DLEU7: variants seen among roughly 807,000 people sequenced by gnomAD.
DLEU7 encodes deleted in lymphocytic leukemia 7, also known as leukemia-associated protein 7.
In DLEU7, 17 loss-of-function variants were observed where a neutral mutation model predicts 16.0. The observed-to-expected ratio is 1.06, with a 90% CI of 0.73 to 1.59. DLEU7 has a LOEUF of 1.59. Among genes scored for constraint, DLEU7 ranks in the 40% most tolerant of loss-of-function variants. DLEU7 has a pLI of 0.00. For synonymous variants in DLEU7, 113 were observed against 139.8 expected (o/e 0.81, Z 1.35); for missense variants, 308 against 314.9 (o/e 0.98, Z 0.17).
In DLEU7 at chr13:50,843,640, T is replaced by C; in HGVS notation, c.7A>G (p.Ser3Gly). 6.6e-7 allele frequency: 1 copy of C among 1,508,686 alleles called. No individual in the cohort carries two copies. Among genetic ancestry groups the C allele is most frequent in the Non-Finnish European group, 8.8e-7 (1 of 1,135,088 alleles). The allele number at this position is 1,508,686 out of a possible 1,614,324, so 93.5% of individuals were successfully genotyped here. ...ATGGAGGCCACTAAGGGCGCAGGGC[T>C]GGCCATCGCCTCCGCTGGCGGCCCG... Reference protein sequence around the residue: MASPAPLVASISH... With the variant: MAGPAPLVASISH... The change falls in exon 1 of 2, where the codon AGC becomes GGC. Residue 3 changes from serine (S) to glycine (G), a missense_variant. Ser to Gly is a moderately conservative substitution (Grantham distance 56). Transcript: ENST00000504404. This position sits in a 1 kb window ranked among gnomAD's most constrained non-coding sequence, Gnocchi z 5.7.
chr13:50,739,045 GTTC>G (rs1165880299), intron 1 of DLEU7, among the ~76,000 whole-genome samples: 5 of 151,202 alleles, frequency 3.3e-5, no homozygotes, highest in Admixed American at 6.6e-5. Context: ...CCTGATTTCT[GTTC>G]TTCTTATCAT....
At chr13:50,809,917 C>T (rs750176) in intron 1 of DLEU7, among the ~76,000 whole-genome samples, 74,374 of 151,802 alleles carry the variant, frequency 0.49, 18,671 homozygotes, top group Non-Finnish European at 0.56. Flanking sequence ...AAAGTAAACA[C>T]GTTAGGGACT....
chr13:50,764,159 T>C (rs1250506739), intron 1 of DLEU7, among the ~76,000 whole-genome samples: 3 of 152,220 alleles, frequency 2.0e-5, no homozygotes, highest in Admixed American at 2.0e-4. Flanking sequence ...CTCACCCCTC[T>C]GAGTCTCCAT....
At chr13:50,783,523 A>G (rs532166904) in intron 1 of DLEU7, among the ~76,000 whole-genome samples, 3 of 152,268 alleles carry the variant, frequency 2.0e-5, no homozygotes, top group African/African-American at 7.2e-5. Context: ...TGACACCACT[A>G]TGATTAGCTT....
At chr13:50,727,926 G>T (rs565510172) in intron 1 of DLEU7, among the ~76,000 whole-genome samples, 5 of 152,368 alleles carry the variant, frequency 3.3e-5, no homozygotes, top group African/African-American at 1.2e-4. Context: ...ATCACTGCAG[G>T]TAAGTCACCT....
intron 1 of DLEU7, among the ~76,000 whole-genome samples, chr13:50,763,020 T>C (rs924406546): frequency 2.6e-5 from 4 of 151,984 alleles, no homozygotes; most frequent in African/African-American, 9.7e-5. Context: ...TCTGCTTGGG[T>C]CTTTAGGAAA....
chr13:50,767,329 G>A (rs1046342529), intron 1 of DLEU7, among the ~76,000 whole-genome samples: 11 of 152,116 alleles, frequency 7.2e-5, no homozygotes, highest in African/African-American at 1.2e-4. Flanking sequence ...GGTGGCGGGC[G>A]CCTGTAGTCC....
At chr13:50,734,360 T>G (rs1260886707) in intron 1 of DLEU7, among the ~76,000 whole-genome samples, 1 of 152,192 alleles carries the variant, frequency 6.6e-6, no homozygotes, top group Non-Finnish European at 1.5e-5. Flanking sequence ...ATAAGGCTGC[T>G]TTCCACCTTA....
intron 1 of DLEU7, among the ~76,000 whole-genome samples, chr13:50,782,774 GAAA>G (rs57072824): frequency 0.023 from 2,956 of 130,154 alleles, 86 homozygotes; most frequent in African/African-American, 0.075. Context: ...ACTGTCTACA[GAAA>G]AAAAAAAAAA....
intron 1 of DLEU7, among the ~76,000 whole-genome samples, chr13:50,811,426 T>G (rs372610962): frequency 1.3e-5 from 2 of 152,114 alleles, no homozygotes; most frequent in Non-Finnish European, 2.9e-5. Context: ...CTCCTCTATA[T>G]AGCACTCCTA....
At chr13:50,750,312 G>C (rs1874525149) in intron 1 of DLEU7, among the ~76,000 whole-genome samples, 1 of 152,146 alleles carries the variant, frequency 6.6e-6, no homozygotes, top group Non-Finnish European at 1.5e-5. Context: ...TTTTATGCCA[G>C]TACCATGCTG....
At chr13:50,838,528 A>G (rs1877544381) in intron 1 of DLEU7, among the ~76,000 whole-genome samples, 1 of 152,186 alleles carries the variant, frequency 6.6e-6, no homozygotes, top group South Asian at 2.1e-4. Flanking sequence ...GGTGTCCTGC[A>G]CACTTCTATG....
intron 1 of DLEU7, among the ~76,000 whole-genome samples, chr13:50,792,578 T>A (rs1875988440): frequency 6.6e-6 from 1 of 152,144 alleles, no homozygotes; most frequent in African/African-American, 2.4e-5. Context: ...TTCTACTATC[T>A]CTTCTTCTCT....
intron 1 of DLEU7, among the ~76,000 whole-genome samples, chr13:50,758,931 G>T (rs1874844957): frequency 6.6e-6 from 1 of 152,210 alleles, no homozygotes; most frequent in Admixed American, 6.5e-5. Flanking sequence ...GCAGAAGGAA[G>T]CAAGGATAAT....
Position 50,738,638 on chromosome 13 carries a change from G to A in DLEU7, c.460-25398C>T, listed in dbSNP as rs1874153130. On this transcript the variant is annotated intron_variant, in intron 1 of 1. Coordinates refer to the DLEU7 transcript ENST00000400393. ...TCCACATTACCCTGCTACCTACACA[G>A]CAAATCATACAAAGATGAAAAAGAT... Among the ~76,000 whole-genome samples, 3 of 151,990 alleles carry A rather than the reference G, an allele frequency of 2.0e-5. No homozygotes were observed. In the South Asian group the frequency reaches 6.2e-4, roughly 32 times the overall value.
intron 1 of DLEU7, among the ~76,000 whole-genome samples, chr13:50,826,747 T>C (rs1877098556): frequency 2.0e-5 from 3 of 152,034 alleles, no homozygotes; most frequent in Admixed American, 2.0e-4. Flanking sequence ...AAATCTAAAC[T>C]CATCGAGGCA....
chr13:50,782,288 T>C (rs1023509104), intron 1 of DLEU7, among the ~76,000 whole-genome samples: 10 of 152,206 alleles, frequency 6.6e-5, no homozygotes, highest in African/African-American at 2.4e-4. Context: ...CCATTTCCAA[T>C]AAATGGCTAA....
intron 1 of DLEU7, among the ~76,000 whole-genome samples, chr13:50,736,427 G>A (rs577302997): frequency 2.0e-5 from 3 of 151,958 alleles, no homozygotes; most frequent in Non-Finnish European, 4.4e-5. Flanking sequence ...TGAGTGACAA[G>A]ATAATTTGTA....
intron 1 of DLEU7, among the ~76,000 whole-genome samples, chr13:50,740,692 CAT>C (rs1874228923): frequency 6.6e-6 from 1 of 152,120 alleles, no homozygotes; most frequent in Admixed American, 6.5e-5. Flanking sequence ...AATATAGAAA[CAT>C]ATAAATTTAC....
Sources: allele counts gnomAD v4.1 joint callset (sites outside exome capture counted in the v4.1 genomes callset), GRCh38; gene constraint gnomAD v4.1.1; non-coding constraint Gnocchi (gnomAD v3.1); transcripts MANE v1.5; gene names NCBI Gene and HGNC (gene_info 2026-07-23, HGNC 2026-07-21).